PYGB: variants seen among roughly 807,000 people sequenced by gnomAD.
PYGB encodes glycogen phosphorylase, brain form.
Under a neutral mutation model 94.3 loss-of-function variants are expected in PYGB, and 82 were observed. The ratio of observed to expected loss-of-function variants is 0.87; its 90% confidence interval spans 0.73 to 1.04. The LOEUF is 1.04. Among genes scored for constraint, PYGB ranks in the 50% least tolerant of loss-of-function variants. PYGB has a pLI of 0.00. For missense variants in PYGB, 1,132 were observed against 1,158.2 expected (o/e 0.98, Z 0.33); for synonymous variants, 488 against 479.1 (o/e 1.02, Z -0.24).
intron 15 of PYGB, 106 bp from the exon 16 acceptor site, chr20:25,290,375 C>A: frequency 7.0e-7 from 1 of 1,425,340 alleles, no homozygotes; most frequent in Non-Finnish European, 9.7e-7. Context: ...ACGGCAGGTT[C>A]CTGTGGCTCT....
rs2088530405 is a variant in PYGB, at chr20:25,295,666, A to G, written c.2375A>G (p.Tyr792Cys). 1.2e-6 allele frequency: 2 copies of G among 1,612,946 alleles called. No individual in the cohort carries two copies. The highest frequency in any genetic ancestry group is 2.7e-5 in the African/African-American group (2 of 74,918). The change falls in exon 19 of 20, where the codon TAC (tyrosine) becomes TGC (cysteine). Residue 792 changes from tyrosine to cysteine, a missense_variant. Physicochemically the swap from Tyr to Cys is radical, Grantham distance 194 (BLOSUM62 -2). Coordinates refer to ENST00000216962, the MANE Select transcript of PYGB (RefSeq NM_002862.4). ...MQCQAQVDQL[Y>C]RNPKEWTKKV... Reference sequence around the variant, plus strand: ...TGCCAGGCACAGGTGGACCAGCTGTACCGGGTGAGGCTCCTGGGTCCAGAG... The same window carrying G: ...TGCCAGGCACAGGTGGACCAGCTGTGCCGGGTGAGGCTCCTGGGTCCAGAG...
intron 1 of PYGB, among the ~76,000 whole-genome samples, chr20:25,258,975 C>A (rs2092907926): frequency 6.6e-6 from 1 of 152,222 alleles, no homozygotes; most frequent in Non-Finnish European, 1.5e-5. Flanking sequence ...CCCCACACAT[C>A]ATGGAAAGTT....
At chr20:25,288,607 G>T (rs757003729) in intron 15 of PYGB, 124 bp downstream of exon 15, 3 of 1,149,992 alleles carry the variant, frequency 2.6e-6, no homozygotes, top group Admixed American at 4.1e-5. Context: ...AGCGGTCACC[G>T]GCCCCTCTGG....
chr20:25,295,472 G>A (rs2424705), intron 18 of PYGB, 132 bp from the exon 19 acceptor site: 171,949 of 1,003,746 alleles, frequency 0.17, 16,138 homozygotes, highest in East Asian at 0.33. Flanking sequence ...GACCAGCTGC[G>A]TGGGTGGGCC....
At chr20:25,278,938 C>A in intron 8 of PYGB, 119 bp from the exon 9 acceptor site, 1 of 896,716 alleles carries the variant, frequency 1.1e-6, no homozygotes, top group Non-Finnish European at 1.7e-6. Flanking sequence ...GTTCTCCAGG[C>A]TTCTCGGGGG....
Position 25,270,393 on chromosome 20 carries a change from G to A in PYGB, c.425-990G>A, listed in dbSNP as rs994730808. ...AATTTTTTGTATTTTTAGTAGAGACGGGGTTTCACCGTATTAGCCAGGATG... is the reference window on the plus strand; with the variant it reads ...AATTTTTTGTATTTTTAGTAGAGACAGGGTTTCACCGTATTAGCCAGGATG... On this transcript the variant is annotated intron_variant, in intron 3 of 19. Transcript: ENST00000216962. Among the ~76,000 whole-genome samples the A allele has an allele frequency of 1.1e-4, 17 of 151,914 alleles. No homozygotes were observed. In the South Asian group the frequency reaches 1.7e-3, roughly 15 times the overall value.
chr20:25,259,902 C>A (rs1474020505), intron 2 of PYGB, among the ~76,000 whole-genome samples: 1 of 152,182 alleles, frequency 6.6e-6, no homozygotes, highest in Non-Finnish European at 1.5e-5. Context: ...TCTTCGCTTC[C>A]CTTCCCAGCT....
chr20:25,285,706 CTG>C (rs2088412082), intron 14 of PYGB: 1 of 134,622 alleles, frequency 7.4e-6, no homozygotes, highest in East Asian at 3.6e-4. Context: ...GTGCTTGTGT[CTG>C]TGCATGTACC....
At chr20:25,272,662 G>A (rs1271983089) in intron 4 of PYGB, among the ~76,000 whole-genome samples, 3 of 152,216 alleles carry the variant, frequency 2.0e-5, no homozygotes, top group East Asian at 1.9e-4. Flanking sequence ...AAACGGACTC[G>A]GATCCATTGC....
At chr20:25,256,966 G>A (rs2092903924) in intron 1 of PYGB, among the ~76,000 whole-genome samples, 1 of 152,166 alleles carries the variant, frequency 6.6e-6, no homozygotes, top group Non-Finnish European at 1.5e-5. Context: ...CTGAGTCCTA[G>A]CCTAGCCCTG....
At position 25,296,408 on chromosome 20, in the gene PYGB, C is replaced by T. The variant is rs201327714; in HGVS notation, c.2418C>T (p.Ile806=). The T allele has an allele frequency of 1.5e-4, 236 of 1,614,076 alleles. No individual in the cohort carries two copies. In the South Asian group the frequency reaches 1.9e-3, roughly 13 times the overall value. The change falls in exon 20 of 20, where the codon ATC becomes ATT. Residue 806 remains isoleucine, a synonymous_variant. Coordinates refer to ENST00000216962, the MANE Select transcript of PYGB (RefSeq NM_002862.4). ...GGACCAAGAAGGTCATCAGGAACAT[C>T]GCCTGCTCGGGCAAGTTCTCCAGTG... is the stretch of plus-strand genomic sequence containing the variant. ...KEWTKKVIRN[I]ACSGKFSSDR...
chr20:25,294,414 C>A, intron 18 of PYGB, 122 bp downstream of exon 18: 1 of 1,268,564 alleles, frequency 7.9e-7, no homozygotes, highest in African/African-American at 1.5e-5. Context: ...ACGTCTTCTC[C>A]ACTGTGCCCA....
chr20:25,294,813 G>C, intron 18 of PYGB: 3 of 764,208 alleles, frequency 3.9e-6, no homozygotes, highest in Non-Finnish European at 7.0e-6. Flanking sequence ...TAGAGTTACA[G>C]ACTTTGTAAG....
chr20:25,265,738 G>C (rs1306939487), intron 2 of PYGB, among the ~76,000 whole-genome samples: 3 of 151,962 alleles, frequency 2.0e-5, no homozygotes, highest in Non-Finnish European at 2.9e-5. Context: ...GGGACTGCAG[G>C]CACCTGCCAC....
chr20:25,283,838 A>C (rs370939437), intron 13 of PYGB, among the ~76,000 whole-genome samples: 1 of 152,112 alleles, frequency 6.6e-6, no homozygotes, highest in Non-Finnish European at 1.5e-5. Context: ...CTGGCTCTGC[A>C]GTGTCTTCTG....
intron 17 of PYGB, 155 bp from the exon 18 acceptor site, chr20:25,294,003 C>A: frequency 1.0e-6 from 1 of 971,764 alleles, no homozygotes. Flanking sequence ...GCCTCGTAAC[C>A]ACCCATGGCC....
At position 25,282,132 on chromosome 20, in the gene PYGB, C is replaced by T. The variant is rs1267850365; in HGVS notation, c.1503C>T (p.Ala501=). The change falls in exon 12 of 20, where the codon GCC becomes GCT. Residue 501 remains alanine (A), a synonymous_variant. Coordinates refer to ENST00000216962, the MANE Select transcript of PYGB (RefSeq NM_002862.4). ...TGCTGCTGTGCAACCCGGGGCTGGC[C>T]GATACCATCGTGGAGGTGAGTCCCG... ...RWLLLCNPGL[A]DTIVEKIGEE... 8.7e-6 allele frequency: 14 copies of T among 1,612,632 alleles called. No individual in the cohort carries two copies. Among genetic ancestry groups the T allele is most frequent in the Middle Eastern group, 1.8e-4 (1 of 5,626 alleles).
intron 4 of PYGB, among the ~76,000 whole-genome samples, chr20:25,272,211 G>T (rs2088273975): frequency 6.6e-6 from 1 of 152,224 alleles, no homozygotes; most frequent in Admixed American, 6.5e-5. Context: ...GGGCCTAAAA[G>T]TCACAAATAA....
chr20:25,280,149 C>T (rs1434732868), intron 9 of PYGB, 117 bp from the exon 10 acceptor site: 1 of 1,296,140 alleles, frequency 7.7e-7, no homozygotes, highest in East Asian at 2.4e-5. Flanking sequence ...GGACGGTGGC[C>T]CTTCCTGGGG....
Sources: gnomAD v4.1 joint callset for allele counts (sites outside exome capture counted in the v4.1 genomes callset) on GRCh38, gnomAD v4.1.1 for gene constraint, MANE v1.5 for transcripts, NCBI Gene and HGNC (gene_info 2026-07-23, HGNC 2026-07-21) for gene names.